Variants in WSCD2 observed in about 807,000 individuals in gnomAD.
WSCD2 encodes WSC domain sialate O sulfotransferase 2.
Under a neutral mutation model 55.7 loss-of-function variants are expected in WSCD2, and 28 were observed. The observed-to-expected ratio is 0.50, with a 90% CI of 0.37 to 0.69. WSCD2 has a LOEUF of 0.69. Among genes scored for constraint, WSCD2 ranks in the 30% least tolerant of loss-of-function variants. The pLI is 0.00. For synonymous variants in WSCD2, 301 were observed against 301.9 expected (o/e 1.00, Z 0.03); for missense variants, 616 against 762.1 (o/e 0.81, Z 2.26).
chr12:108,193,455 G>T (rs886473061), intron 1 of WSCD2, among the ~76,000 whole-genome samples: 8 of 152,230 alleles, frequency 5.3e-5, no homozygotes, highest in Non-Finnish European at 7.3e-5. Context: ...TGGGTGGAGA[G>T]TTGGATGGAT....
At chr12:108,133,120 C>T (rs1446570135) in intron 1 of WSCD2, among the ~76,000 whole-genome samples, 2 of 151,918 alleles carry the variant, frequency 1.3e-5, no homozygotes, top group Admixed American at 6.6e-5. Flanking sequence ...GTGGATCTCT[C>T]GACATATACA....
At chr12:108,233,787 G>T (rs1889015824) in intron 7 of WSCD2, among the ~76,000 whole-genome samples, 1 of 152,212 alleles carries the variant, frequency 6.6e-6, no homozygotes, top group Non-Finnish European at 1.5e-5. Flanking sequence ...TGGATGAAAT[G>T]CCCCTTGGGC....
At position 108,226,955 on chromosome 12, in the gene WSCD2, ACT is replaced by A. The variant is rs1262946348; in HGVS notation, c.805-30_805-29del. The A allele has an allele frequency of 1.9e-6, 3 of 1,594,034 alleles. No homozygotes were observed. In the Admixed American group the frequency reaches 5.2e-5, roughly 28 times the overall value. On this transcript the variant is annotated intron_variant, in intron 5 of 8. Coordinates refer to ENST00000547525, the MANE Select transcript of WSCD2 (RefSeq NM_014653.4). ...TCTGAAGCTGTCCAGGGATTTAGCA[ACT>A]CTCTTCCTCTTCTTCTCCCACTCCA... is the stretch of plus-strand genomic sequence containing the variant.
At chr12:108,196,896 T>C (rs1338650776) in intron 2 of WSCD2, 1 of 152,246 alleles carries the variant, frequency 6.6e-6, no homozygotes, top group African/African-American at 2.4e-5. Flanking sequence ...GCCCCTATTA[T>C]CCTGTGCCCA....
chr12:108,167,713 G>T (rs371701962), intron 1 of WSCD2: 1 of 152,198 alleles, frequency 6.6e-6, no homozygotes, highest in Admixed American at 6.5e-5. Context: ...TCTCCCAGAT[G>T]CCCAAATCCA....
At chr12:108,244,602 C>T in intron 8 of WSCD2, 1 of 702,356 alleles carries the variant, frequency 1.4e-6, no homozygotes, top group Non-Finnish European at 2.6e-6. Context: ...TCCAGATCAC[C>T]ACTTTGCAGA....
chr12:108,204,029 G>C (rs1036805887), intron 2 of WSCD2, among the ~76,000 whole-genome samples: 3 of 152,178 alleles, frequency 2.0e-5, no homozygotes, highest in African/African-American at 7.2e-5. Flanking sequence ...TACACCATAT[G>C]CCCAAACTAA....
intron 1 of WSCD2, among the ~76,000 whole-genome samples, chr12:108,173,210 C>A (rs2136973952): frequency 6.6e-6 from 1 of 152,282 alleles, no homozygotes; most frequent in African/African-American, 2.4e-5. Context: ...CCAGCTCATC[C>A]TGGGGTGCTG....
rs139494787 is a variant in WSCD2 at position 108,193,452 on chromosome 12, A to G, written c.-551-1830A>G. ...AATGAGTGGATGACTGGATGGGTGG[A>G]GAGTTGGATGGATGGATGGATGGGC... is the stretch of plus-strand genomic sequence containing the variant. On this transcript the variant is annotated intron_variant, in intron 1 of 8. Coordinates refer to ENST00000547525, the MANE Select transcript of WSCD2 (RefSeq NM_014653.4). Among the ~76,000 whole-genome samples the G allele has an allele frequency of 6.8e-3, 1,035 of 152,274 alleles. 8 individuals are homozygous for G. The highest frequency in any genetic ancestry group is 9.7e-3 in the Non-Finnish European group (662 of 68,004).
At chr12:108,164,828 T>C (rs1879451985) in intron 1 of WSCD2, among the ~76,000 whole-genome samples, 1 of 152,158 alleles carries the variant, frequency 6.6e-6, no homozygotes, top group Non-Finnish European at 1.5e-5. Context: ...CAATAACTCC[T>C]CACATCCCAG....
chr12:108,134,715 C>A lies in WSCD2; in HGVS notation c.-552+4789C>A, dbSNP rs556755975. 8.5e-5 allele frequency among the ~76,000 whole-genome samples: 13 copies of A among 152,290 alleles called. 1 individual carries two copies. The highest frequency in any genetic ancestry group is 2.4e-4 in the African/African-American group (10 of 41,580). ...GTGCATAATGAACACCTGTACTTTT[C>A]ACTGTTGGTGTCCCATTCGTACCTT... On this transcript the variant is annotated intron_variant, in intron 1 of 8. Coordinates refer to ENST00000547525, the MANE Select transcript of WSCD2 (RefSeq NM_014653.4).
rs1236809707 is a variant in WSCD2, at chr12:108,250,114, A to G, written c.*1771A>G. On this transcript the variant is annotated 3_prime_UTR_variant, in exon 9 of 9. Transcript: ENST00000547525. ...TCATTAAATGCGAGTTTTGTTGATG[A>G]TTCTACCATGTGGTAGAGTGTTGTG... 6.6e-6 allele frequency: 1 copy of G among 151,556 alleles called. No homozygotes were observed. The highest frequency in any genetic ancestry group is 1.5e-5 in the Non-Finnish European group (1 of 67,974). The allele number at this position is 151,556 out of a possible 1,614,324, so 9.4% of individuals were successfully genotyped here. A position where few individuals can be genotyped will look rare whatever the true frequency, so the allele number is the denominator to read the frequency against.
rs181292730 is a variant in WSCD2, at chr12:108,149,158, G to A, written c.-552+19232G>A. Among the ~76,000 whole-genome samples, 37 of 152,296 alleles carry A rather than the reference G, an allele frequency of 2.4e-4. 2 individuals carry two copies. The South Asian group carries it at 6.4e-3, about 26-fold the overall frequency. ...ACCCCTGGTCATGTGAAACCTCTTT[G>A]TCCTTAACCTTGATCTCCCTGGCCC... On this transcript the variant is annotated intron_variant, in intron 1 of 8. Coordinates refer to ENST00000547525, the MANE Select transcript of WSCD2 (RefSeq NM_014653.4).
chr12:108,131,212 A>G (rs1442369166), intron 1 of WSCD2, among the ~76,000 whole-genome samples: 1 of 152,142 alleles, frequency 6.6e-6, no homozygotes, highest in Non-Finnish European at 1.5e-5. Flanking sequence ...TTGAGCTTCA[A>G]GTTGGCTCTC....
intron 6 of WSCD2, among the ~76,000 whole-genome samples, chr12:108,229,164 C>G (rs531276273): frequency 1.2e-4 from 19 of 152,306 alleles, no homozygotes; most frequent in African/African-American, 3.8e-4. Flanking sequence ...TGTGGCTCAT[C>G]AGCCTGCCAA....
At chr12:108,239,187 C>G (rs1300404548) in intron 7 of WSCD2, among the ~76,000 whole-genome samples, 1 of 152,226 alleles carries the variant, frequency 6.6e-6, no homozygotes, top group Non-Finnish European at 1.5e-5. Context: ...TGCATTCTCT[C>G]TGCAGTCACT....
intron 1 of WSCD2, among the ~76,000 whole-genome samples, chr12:108,169,596 G>A (rs1450949144): frequency 4.6e-5 from 7 of 152,130 alleles, no homozygotes; most frequent in Admixed American, 1.3e-4. Flanking sequence ...TCTGCTTCCC[G>A]CCCACCCAGA....
intron 1 of WSCD2, among the ~76,000 whole-genome samples, chr12:108,166,745 C>T (rs10861876): frequency 0.014 from 671 of 49,316 alleles, 8 homozygotes; most frequent in East Asian, 0.053. Context: ...TCTTTCTTTC[C>T]TTCTTTCTTT....
chr12:108,209,077 C>A (rs923008113), intron 3 of WSCD2, among the ~76,000 whole-genome samples: 1 of 152,312 alleles, frequency 6.6e-6, no homozygotes. Context: ...CCTTCCTACT[C>A]CCAGAGCCAG....
Sources: gnomAD v4.1 joint callset for allele counts (sites outside exome capture counted in the v4.1 genomes callset) on GRCh38, gnomAD v4.1.1 for gene constraint, MANE v1.5 for transcripts, NCBI Gene and HGNC (gene_info 2026-07-23, HGNC 2026-07-21) for gene names.